Variants in CNTN4 observed in about 807,000 individuals in gnomAD.
CNTN4 encodes contactin 4, also known as contactin-4.
A neutral mutation model predicts 122.5 loss-of-function variants in CNTN4; 77 were observed. The ratio of observed to expected loss-of-function variants is 0.63; its 90% CI spans 0.52 to 0.76. CNTN4 has a LOEUF of 0.76. CNTN4 is among the 30% of genes least tolerant of loss of function. CNTN4 has a pLI of 0.00. For missense variants in CNTN4, 1,256 were observed against 1,259.1 expected (o/e 1.00, Z 0.04); for synonymous variants, 512 against 447.0 (o/e 1.15, Z -1.83).
chr3:2,167,148 A>T (rs10510228), intron 2 of CNTN4, among the ~76,000 whole-genome samples: 1 of 152,116 alleles, frequency 6.6e-6, no homozygotes, highest in South Asian at 2.1e-4. Context: ...GCATTAGCTT[A>T]AGAAGGATAA....
intron 13 of CNTN4, among the ~76,000 whole-genome samples, chr3:2,969,547 C>G (rs924082890): frequency 7.5e-6 from 1 of 132,740 alleles, no homozygotes; most frequent in African/African-American, 3.2e-5. Flanking sequence ...TATTCCTAGA[C>G]AAAGAGAAAT....
At chr3:2,491,063 C>T (rs186692851) in intron 3 of CNTN4, among the ~76,000 whole-genome samples, 1 of 152,176 alleles carries the variant, frequency 6.6e-6, no homozygotes, top group Admixed American at 6.5e-5. Flanking sequence ...TACATGAAAG[C>T]AACAAATATA....
At chr3:2,828,093 TTCTCTCTC>T (rs759894601) in intron 7 of CNTN4, among the ~76,000 whole-genome samples, 2 of 150,886 alleles carry the variant, frequency 1.3e-5, no homozygotes, top group South Asian at 4.2e-4. Flanking sequence ...AGTCATCTCA[TTCTCTCTC>T]TCTCTCTCTC....
rs760038551 is a variant in CNTN4, at chr3:2,557,092, T to C, written c.-88-14324T>C. ...CTCTGAAATAGCGTCAGTCTCAAAA[T>C]TCATGTTATCACTAATTAGGATTCT... On this transcript the variant is annotated intron_variant, in intron 3 of 24. Coordinates refer to ENST00000418658, the MANE Select transcript of CNTN4 (RefSeq NM_175607.3). Among the ~76,000 whole-genome samples the C allele has an allele frequency of 1.8e-4, 28 of 152,346 alleles. 3 individuals are homozygous for C. Among genetic ancestry groups the C allele is most frequent in the Admixed American group, 1.6e-3 (24 of 15,306 alleles).
chr3:2,598,364 TG>T (rs1335722220), intron 4 of CNTN4, among the ~76,000 whole-genome samples: 1 of 152,130 alleles, frequency 6.6e-6, no homozygotes, highest in African/African-American at 2.4e-5. Context: ...AAGTTTCTGG[TG>T]TATTTTAAGG....
chr3:3,045,516 C>G (rs919475131), intron 23 of CNTN4, among the ~76,000 whole-genome samples: 2 of 152,218 alleles, frequency 1.3e-5, no homozygotes, highest in Admixed American at 6.5e-5. Context: ...CCCAGGCAAA[C>G]AGGGTCTGGA....
intron 13 of CNTN4, among the ~76,000 whole-genome samples, chr3:2,971,004 C>T (rs1341147835): frequency 6.6e-6 from 1 of 152,178 alleles, no homozygotes. Context: ...CCAGGCTGGT[C>T]TCAAACTCCT....
intron 3 of CNTN4, among the ~76,000 whole-genome samples, chr3:2,513,754 T>C (rs190110977): frequency 2.0e-3 from 312 of 152,340 alleles, no homozygotes; most frequent in Middle Eastern, 3.4e-3. Flanking sequence ...ATTGGGACAC[T>C]GTCTTCCTAG....
chr3:2,631,875 A>C (rs1203680701), intron 4 of CNTN4, among the ~76,000 whole-genome samples: 1 of 132,308 alleles, frequency 7.6e-6, no homozygotes, highest in Non-Finnish European at 1.5e-5. Flanking sequence ...CAAAAAAAAA[A>C]AAACAAAAAA....
In CNTN4 at chr3:2,883,112, T is replaced by G. The variant is rs9839455; in HGVS notation, c.653-33T>G. The G allele has an allele frequency of 5.5e-3, 8,041 of 1,454,312 alleles. 380 individuals are homozygous for G. The African/African-American group carries it at 0.096, about 17-fold the overall frequency. 90.1% of individuals were successfully genotyped at this position (1,454,312 alleles called of 1,614,324 possible). A position where few individuals can be genotyped will look rare whatever the true frequency, so the allele number is the denominator to read the frequency against. On this transcript the variant is annotated intron_variant, in intron 8 of 24. Coordinates refer to ENST00000418658, the MANE Select transcript of CNTN4 (RefSeq NM_175607.3). ...TTACATTTTATACATTTTAAAAGAA[T>G]CTCCAAGACTTAGCCCCTTTATTTA... is the stretch of plus-strand genomic sequence containing the variant.
chr3:2,458,520 A>G lies in CNTN4; in HGVS notation c.-88-112896A>G, dbSNP rs566339954. ...TAAAGATATTAATTAAGCATTATCT[A>G]TCTATTTATTCCCTCTTATGAGATG... On this transcript the variant is annotated intron_variant, in intron 3 of 24. Coordinates refer to ENST00000418658, the MANE Select transcript of CNTN4 (RefSeq NM_175607.3). Among the ~76,000 whole-genome samples the G allele has an allele frequency of 2.6e-4, 40 of 152,282 alleles. 1 individual carries two copies. Among genetic ancestry groups the G allele is most frequent in the Admixed American group, 4.6e-4 (7 of 15,290 alleles).
chr3:2,169,629 C>G (rs1023067698), intron 2 of CNTN4, among the ~76,000 whole-genome samples: 3 of 151,806 alleles, frequency 2.0e-5, no homozygotes, highest in South Asian at 2.1e-4. Flanking sequence ...GATCTCCTGA[C>G]CTCGTGATCC....
chr3:2,710,908 A>G (rs570072860), intron 4 of CNTN4, among the ~76,000 whole-genome samples: 3 of 152,324 alleles, frequency 2.0e-5, no homozygotes, highest in African/African-American at 7.2e-5. Flanking sequence ...AACGTACAGC[A>G]TGAAAATGTA....
At chr3:2,635,576 A>G (rs538358604) in intron 4 of CNTN4, among the ~76,000 whole-genome samples, 3 of 152,282 alleles carry the variant, frequency 2.0e-5, no homozygotes, top group South Asian at 4.1e-4. Context: ...AAGCTTTCAC[A>G]AGGGCGCCTT....
intron 7 of CNTN4, 133 bp from the exon 8 acceptor site, chr3:2,866,619 C>G: frequency 8.8e-7 from 1 of 1,130,228 alleles, no homozygotes; most frequent in Non-Finnish European, 1.3e-6. Context: ...TACTTCCTAT[C>G]TGTATTTAGT....
intron 3 of CNTN4, among the ~76,000 whole-genome samples, chr3:2,563,813 T>G (rs1470522119): frequency 1.3e-5 from 2 of 152,234 alleles, no homozygotes; most frequent in East Asian, 3.9e-4. Flanking sequence ...TTTAAAAATA[T>G]TGAAAGCATT....
At chr3:2,778,142 A>AG in intron 6 of CNTN4, among the ~76,000 whole-genome samples, 1 of 139,626 alleles carries the variant, frequency 7.2e-6, no homozygotes, top group Non-Finnish European at 1.5e-5. Flanking sequence ...GGAACCCAGG[A>AG]AGCGGAGCTT....
intron 3 of CNTN4, among the ~76,000 whole-genome samples, chr3:2,503,734 G>A (rs1041835582): frequency 3.7e-4 from 57 of 152,168 alleles, no homozygotes; most frequent in African/African-American, 1.3e-3. Context: ...AGCATTACAG[G>A]CAAAGGAGAG....
rs77224996 is a variant in CNTN4, at chr3:2,372,237, G to A, written c.-89+33004G>A. On this transcript the variant is annotated intron_variant, in intron 3 of 24. Transcript: ENST00000418658. ...TTTATTGAGGACATATGCTTCAGAG[G>A]CTTAAAACTTAAAAGATTGAAGCAG... Among the ~76,000 whole-genome samples, 358 of 152,180 alleles carry A rather than the reference G, an allele frequency of 2.4e-3. 1 individual carries two copies. The highest frequency in any genetic ancestry group is 2.6e-3 in the Non-Finnish European group (180 of 68,024).
Sources: allele counts gnomAD v4.1 joint callset (sites outside exome capture counted in the v4.1 genomes callset), GRCh38; gene constraint gnomAD v4.1.1; transcripts MANE v1.5; gene names NCBI Gene and HGNC (gene_info 2026-07-23, HGNC 2026-07-21).